The following CRACD variants were observed in gnomAD, a reference collection of about 807,000 sequenced individuals.
CRACD encodes the protein capping protein inhibiting regulator of actin dynamics, also known as capping protein-inhibiting regulator of actin dynamics.
In CRACD, 56 loss-of-function variants were observed where a neutral mutation model predicts 106.8. The ratio of observed to expected loss-of-function variants is 0.52; its 90% CI spans 0.42 to 0.66. The LOEUF (loss-of-function observed/expected upper bound fraction) is 0.66. Ranked by LOEUF, CRACD falls within the 30% of genes least tolerant of loss-of-function variation. The pLI is 0.00. For synonymous variants in CRACD, 754 were observed against 670.8 expected (o/e 1.12, Z -1.92); for missense variants, 1,730 against 1,623.2 (o/e 1.07, Z -1.13).
rs140968336 is a variant in CRACD at position 56,168,714 on chromosome 4, A to G, written c.-335-10570A>G. Among the ~76,000 whole-genome samples, 826 of 149,462 alleles carry G rather than the reference A, an allele frequency of 5.5e-3. 14 individuals carry two copies. Among genetic ancestry groups the G allele is most frequent in the Admixed American group, 0.036 (534 of 14,918 alleles). ...GTAACTACATATATAATATAAATTT[A>G]TATATATAAAACTATAGTTGTATAT... On this transcript the variant is annotated intron_variant, in intron 1 of 10. Transcript: ENST00000682029.
At chr4:56,125,416 AT>A (rs926740765) in intron 1 of CRACD, among the ~76,000 whole-genome samples, 10 of 149,204 alleles carry the variant, frequency 6.7e-5, no homozygotes, top group East Asian at 2.0e-4. Context: ...ATTAAAAACA[AT>A]TTTTTTTTTA....
At chr4:56,078,103 T>C (rs1732904214) in intron 1 of CRACD, among the ~76,000 whole-genome samples, 1 of 152,224 alleles carries the variant, frequency 6.6e-6, no homozygotes, top group African/African-American at 2.4e-5. Flanking sequence ...ATATTTTTAA[T>C]TGACAGATAA....
At chr4:56,231,899 A>G (rs1739643251) in intron 2 of CRACD, among the ~76,000 whole-genome samples, 1 of 152,214 alleles carries the variant, frequency 6.6e-6, no homozygotes, top group Non-Finnish European at 1.5e-5. Flanking sequence ...CAGCTATAAA[A>G]TGGACCTTCC....
rs575287455 is a variant in CRACD, at chr4:56,280,814, T to C, written c.-17+8322T>C. On this transcript the variant is annotated intron_variant, in intron 3 of 10. Coordinates refer to ENST00000682029, the MANE Select transcript of CRACD (RefSeq NM_001393381.1). ...ATGAGACTTCATGTTACCAATGAAG[T>C]TATACTGAAGTGCAGGCTCCCTGCT... 5.3e-5 allele frequency among the ~76,000 whole-genome samples: 8 copies of C among 152,306 alleles called. No homozygotes were observed. The East Asian group carries it at 1.5e-3, about 29-fold the overall frequency.
intron 3 of CRACD, among the ~76,000 whole-genome samples, chr4:56,297,132 G>A (rs1225939501): frequency 4.0e-5 from 6 of 151,876 alleles, no homozygotes; most frequent in East Asian, 1.9e-4. Flanking sequence ...TAGTAGAGAC[G>A]GGGTTTCACC....
At chr4:56,079,790 T>A (rs1003846949) in intron 1 of CRACD, among the ~76,000 whole-genome samples, 1 of 152,160 alleles carries the variant, frequency 6.6e-6, no homozygotes, top group African/African-American at 2.4e-5. Flanking sequence ...TTTTTAAAAT[T>A]GTAAAAAACT....
At chr4:56,207,766 A>G (rs1163535968) in intron 2 of CRACD, among the ~76,000 whole-genome samples, 1 of 144,214 alleles carries the variant, frequency 6.9e-6, no homozygotes. Flanking sequence ...ATATATATAT[A>G]TATATATATA....
At chr4:56,139,996 T>A (rs966693422) in intron 1 of CRACD, among the ~76,000 whole-genome samples, 3 of 152,204 alleles carry the variant, frequency 2.0e-5, no homozygotes, top group Admixed American at 2.0e-4. Context: ...AAATTTTGTA[T>A]GTTTTCGCAA....
At chr4:56,176,191 A>G (rs1437998067) in intron 1 of CRACD, among the ~76,000 whole-genome samples, 1 of 152,128 alleles carries the variant, frequency 6.6e-6, no homozygotes, top group African/African-American at 2.4e-5. Context: ...GCTTTGTAGT[A>G]TATTTTGAAA....
chr4:56,070,189 C>T (rs944770234), intron 1 of CRACD, among the ~76,000 whole-genome samples: 3 of 152,122 alleles, frequency 2.0e-5, no homozygotes, highest in Non-Finnish European at 4.4e-5. Flanking sequence ...GTGATCTCTG[C>T]TCAGGGCAGC....
At chr4:56,284,371 A>T (rs1037478601) in intron 3 of CRACD, among the ~76,000 whole-genome samples, 11 of 151,710 alleles carry the variant, frequency 7.3e-5, no homozygotes, top group African/African-American at 2.7e-4. Context: ...AAGATAATAG[A>T]TGTGATCCCT....
Position 56,316,077 on chromosome 4 carries a change from A to C in CRACD, c.2575A>C (p.Asn859His). 6.2e-7 allele frequency: 1 copy of C among 1,614,178 alleles called. No individual in the cohort carries two copies. The highest frequency in any genetic ancestry group is 2.2e-5 in the East Asian group (1 of 44,876). The change falls in exon 8 of 11, where the codon AAC becomes CAC. Residue 859 changes from asparagine (N) to histidine (H), a missense_variant. Asn to His is a moderately conservative substitution (Grantham distance 68, BLOSUM62 1). Transcript: ENST00000682029. ...AAGGACCAACTATTCCTTGCGCTTC[A>C]ACTGCGACCAACAGGCAGAACAGAA... ...LRRTNYSLRF[N>H]CDQQAEQKKK...
chr4:56,058,811 C>T (rs1377616745), intron 1 of CRACD, among the ~76,000 whole-genome samples: 1 of 152,068 alleles, frequency 6.6e-6, no homozygotes, highest in East Asian at 1.9e-4. Context: ...CATGCAGTGT[C>T]CCAAGTCACT....
chr4:56,128,354 A>T (rs1253340633), intron 1 of CRACD, among the ~76,000 whole-genome samples: 2 of 152,212 alleles, frequency 1.3e-5, no homozygotes, highest in African/African-American at 2.4e-5. Flanking sequence ...TTGAGAGCTT[A>T]TGAGGATGAA....
intron 1 of CRACD, among the ~76,000 whole-genome samples, chr4:56,153,438 G>A (rs116596590): frequency 0.013 from 1,958 of 152,140 alleles, 18 homozygotes; most frequent in Admixed American, 0.041. Flanking sequence ...GCTTCACTCT[G>A]TCAGTAAATA....
At chr4:56,061,307 A>G (rs1165148513) in intron 1 of CRACD, among the ~76,000 whole-genome samples, 1 of 152,112 alleles carries the variant, frequency 6.6e-6, no homozygotes, top group Non-Finnish European at 1.5e-5. Flanking sequence ...AGTAGCTGGG[A>G]CTATAGGCGC....
At chr4:56,057,809 T>A (rs202193055) in intron 1 of CRACD, among the ~76,000 whole-genome samples, 50 of 60,286 alleles carry the variant, frequency 8.3e-4, no homozygotes, top group African/African-American at 2.2e-3. Context: ...ATTTTTTTTT[T>A]TTTTGTTTTT....
intron 3 of CRACD, among the ~76,000 whole-genome samples, chr4:56,285,554 C>T (rs1159673154): frequency 6.6e-6 from 1 of 152,146 alleles, no homozygotes; most frequent in Non-Finnish European, 1.5e-5. Flanking sequence ...ATCCTCCCAC[C>T]TGAGCCTCCT....
intron 2 of CRACD, among the ~76,000 whole-genome samples, chr4:56,182,350 A>C (rs1237921495): frequency 6.6e-6 from 1 of 151,996 alleles, no homozygotes; most frequent in Non-Finnish European, 1.5e-5. Flanking sequence ...AGCCTGGGTG[A>C]CAGAGTGAGA....
Sources: gnomAD v4.1 joint callset for allele counts (sites outside exome capture counted in the v4.1 genomes callset) on GRCh38, gnomAD v4.1.1 for gene constraint, MANE v1.5 for transcripts, NCBI Gene and HGNC (gene_info 2026-07-23, HGNC 2026-07-21) for gene names.